Variants in AGBL4 observed in about 807,000 individuals in gnomAD.
AGBL4 encodes cytosolic carboxypeptidase 6.
Under a neutral mutation model 66.4 loss-of-function variants are expected in AGBL4, and 58 were observed. The observed-to-expected ratio is 0.87, with a 90% CI of 0.71 to 1.09. AGBL4 has a LOEUF of 1.09. Among genes scored for constraint, AGBL4 ranks in the 50% least tolerant of loss-of-function variants. The pLI is 0.00. For missense variants in AGBL4, 579 were observed against 631.0 expected (o/e 0.92, Z 0.88); for synonymous variants, 234 against 222.9 (o/e 1.05, Z -0.44).
At chr1:49,738,914 T>A (rs1466328819) in intron 2 of AGBL4, among the ~76,000 whole-genome samples, 2 of 152,052 alleles carry the variant, frequency 1.3e-5, no homozygotes, top group Admixed American at 1.3e-4. Context: ...TACGTCACCA[T>A]CATCAAAGAC....
chr1:49,992,734 C>T lies in AGBL4; in HGVS notation c.34+31029G>A, dbSNP rs374614418. 3.9e-5 allele frequency among the ~76,000 whole-genome samples: 6 copies of T among 152,070 alleles called. No individual in the cohort carries two copies. The South Asian group carries it at 8.3e-4, about 21-fold the overall frequency. On this transcript the variant is annotated intron_variant, in intron 1 of 13. Transcript: ENST00000371839. ...TCCTTATTGCCTATCCTTTTTGTAT[C>T]CATCCAATTGCTCTGCCAGGCAGAC... is the stretch of plus-strand genomic sequence containing the variant.
intron 4 of AGBL4, among the ~76,000 whole-genome samples, chr1:49,117,881 C>T (rs965202595): frequency 2.6e-5 from 4 of 152,116 alleles, no homozygotes; most frequent in South Asian, 4.2e-4. Flanking sequence ...TTGTTTGTGT[C>T]CTCTTTCATT....
intron 3 of AGBL4, among the ~76,000 whole-genome samples, chr1:49,497,057 AAT>A (rs1647660005): frequency 6.6e-6 from 1 of 151,958 alleles, no homozygotes; most frequent in South Asian, 2.1e-4. Flanking sequence ...TCTTTGTGGT[AAT>A]AGTCACTCCA....
chr1:49,009,291 A>G (rs1662165027), intron 5 of AGBL4, among the ~76,000 whole-genome samples: 1 of 152,160 alleles, frequency 6.6e-6, no homozygotes, highest in South Asian at 2.1e-4. Flanking sequence ...AAATGGATAA[A>G]TTCCTTGACA....
intron 5 of AGBL4, among the ~76,000 whole-genome samples, chr1:48,971,016 A>G (rs911379841): frequency 1.3e-5 from 2 of 152,096 alleles, no homozygotes; most frequent in African/African-American, 2.4e-5. Context: ...AGGAAACTGA[A>G]GCTTAAAATG....
chr1:49,240,894 A>C (rs887223451), intron 4 of AGBL4, among the ~76,000 whole-genome samples: 9 of 151,962 alleles, frequency 5.9e-5, no homozygotes, highest in South Asian at 2.1e-4. Flanking sequence ...AAATCTTCCT[A>C]AACTGTTTCT....
intron 5 of AGBL4, among the ~76,000 whole-genome samples, chr1:49,010,113 T>C (rs1472761521): frequency 6.6e-6 from 1 of 152,178 alleles, no homozygotes; most frequent in Non-Finnish European, 1.5e-5. Flanking sequence ...ACGACATGAT[T>C]GTATATCTAG....
chr1:48,663,150 A>C lies in AGBL4; in HGVS notation c.724+2T>G. The stretch of plus-strand genomic sequence containing the variant: ...GGATACCTATGAGATCCTGCCACTC[A>C]CCTTGGCACACAAATGATGAGGGTG... On this transcript the variant is annotated splice_donor_variant, in intron 7 of 13. Transcript: ENST00000371839. LOFTEE classifies it high-confidence loss of function. 2.5e-6 allele frequency: 4 copies of C among 1,613,808 alleles called. No individual in the cohort carries two copies. The highest frequency in any genetic ancestry group is 3.4e-6 in the Non-Finnish European group (4 of 1,179,744).
chr1:48,626,258 C>A (rs1042646542), intron 9 of AGBL4, among the ~76,000 whole-genome samples: 2 of 152,176 alleles, frequency 1.3e-5, no homozygotes, highest in African/African-American at 4.8e-5. Flanking sequence ...TTCCTCTCCA[C>A]CCAACTCCAG....
intron 6 of AGBL4, among the ~76,000 whole-genome samples, chr1:48,719,607 T>C (rs1647111488): frequency 6.6e-6 from 1 of 152,178 alleles, no homozygotes; most frequent in Non-Finnish European, 1.5e-5. Flanking sequence ...CAGCCTCATC[T>C]CCCACTACCA....
intron 3 of AGBL4, among the ~76,000 whole-genome samples, chr1:49,581,280 G>A (rs1323564331): frequency 6.6e-6 from 1 of 151,894 alleles, no homozygotes; most frequent in Non-Finnish European, 1.5e-5. Context: ...TTGGTTTTCA[G>A]ATTTCTCTTG....
At chr1:49,555,359 T>G (rs891325847) in intron 3 of AGBL4, among the ~76,000 whole-genome samples, 1 of 151,178 alleles carries the variant, frequency 6.6e-6, no homozygotes, top group African/African-American at 2.4e-5. Flanking sequence ...AGAGTGCTGA[T>G]TGGTGCATTT....
intron 4 of AGBL4, among the ~76,000 whole-genome samples, chr1:49,216,346 G>A (rs1236633101): frequency 6.6e-6 from 1 of 152,086 alleles, no homozygotes; most frequent in Non-Finnish European, 1.5e-5. Context: ...GGATATGAAT[G>A]ATCCTAACAC....
the AGBL4 span, among the ~76,000 whole-genome samples, chr1:48,527,216 G>A: frequency 0.045 from 6,858 of 152,124 alleles, 476 homozygotes; most frequent in East Asian, 0.22. Context: ...AGGTTCTATG[G>A]GAGGTGTGAA....
chr1:48,749,755 T>C (rs1276020071), intron 6 of AGBL4, among the ~76,000 whole-genome samples: 1 of 152,220 alleles, frequency 6.6e-6, no homozygotes, highest in East Asian at 1.9e-4. Flanking sequence ...ACTGGACTGG[T>C]TCTTCATCTG....
intron 3 of AGBL4, among the ~76,000 whole-genome samples, chr1:49,499,056 G>C (rs1444455993): frequency 6.6e-6 from 1 of 151,882 alleles, no homozygotes; most frequent in East Asian, 1.9e-4. Context: ...TTGGTTTCAG[G>C]GTTGTCCTGG....
chr1:48,721,706 G>A (rs1647152961), intron 6 of AGBL4, among the ~76,000 whole-genome samples: 1 of 152,158 alleles, frequency 6.6e-6, no homozygotes, highest in Admixed American at 6.5e-5. Flanking sequence ...GCCAAGGCCT[G>A]GGCTGCCTGA....
chr1:49,172,991 T>C (rs573372976), intron 4 of AGBL4, among the ~76,000 whole-genome samples: 24 of 152,126 alleles, frequency 1.6e-4, no homozygotes, highest in Admixed American at 1.5e-3. Context: ...TGGTGGCACA[T>C]GCCTGTAATC....
intron 2 of AGBL4, among the ~76,000 whole-genome samples, chr1:49,784,536 A>T (rs1195646512): frequency 6.6e-6 from 1 of 152,116 alleles, no homozygotes; most frequent in East Asian, 1.9e-4. Flanking sequence ...ATCTAAATGT[A>T]AGAGCTAAAA....
Sources: gnomAD v4.1 joint callset for allele counts (sites outside exome capture counted in the v4.1 genomes callset) on GRCh38, gnomAD v4.1.1 for gene constraint, MANE v1.5 for transcripts, NCBI Gene and HGNC (gene_info 2026-07-23, HGNC 2026-07-21) for gene names.